RBFOX1: variants seen among roughly 807,000 people sequenced by gnomAD.
RBFOX1 encodes the protein RNA binding fox-1 homolog 1.
A neutral mutation model predicts 57.7 loss-of-function variants in RBFOX1; 8 were observed. The ratio of observed to expected loss-of-function variants is 0.14; its 90% confidence interval spans 0.08 to 0.25. The LOEUF (loss-of-function observed/expected upper bound fraction) is 0.25. RBFOX1 is among the 10% of genes least tolerant of loss of function. The probability of loss-of-function intolerance (pLI) is 1.00; values close to 1 mark genes in which losing one functional copy is unlikely to be tolerated. For synonymous variants in RBFOX1, 326 were observed against 222.4 expected (o/e 1.47, Z -4.15); for missense variants, 611 against 548.5 (o/e 1.11, Z -1.14).
rs376680945 is a variant in RBFOX1 at position 5,546,111 on chromosome 16, C to G, written c.259-52791C>G. ...TAATAAGGAATACATAGGGATAAGT[C>G]TGACTAAATTTGTATGATTCATATA... On this transcript the variant is annotated intron_variant, in intron 2 of 2. Transcript: ENST00000585867. Among the ~76,000 whole-genome samples the G allele has an allele frequency of 9.2e-5, 14 of 152,128 alleles. No homozygotes were observed. In the East Asian group the frequency reaches 2.5e-3, roughly 27 times the overall value.
At chr16:7,653,699 C>G (rs2065616313) in intron 11 of RBFOX1, 116 bp from the exon 12 acceptor site, 3 of 1,429,152 alleles carry the variant, frequency 2.1e-6, no homozygotes, top group African/African-American at 1.4e-5. Flanking sequence ...GGGAAGCGGG[C>G]GGGGGTCCTG....
At chr16:5,391,966 T>A (rs1371192268) in intron 1 of RBFOX1, among the ~76,000 whole-genome samples, 1 of 151,830 alleles carries the variant, frequency 6.6e-6, no homozygotes, top group Non-Finnish European at 1.5e-5. Flanking sequence ...AAAGGAATGA[T>A]TTAATGGCAT....
intron 4 of RBFOX1, among the ~76,000 whole-genome samples, chr16:7,273,281 A>G (rs2095374508): frequency 8.5e-6 from 1 of 117,062 alleles, no homozygotes; most frequent in South Asian, 2.6e-4. Flanking sequence ...TCTTTTTCTC[A>G]TCTATGAGCC....
intron 3 of RBFOX1, among the ~76,000 whole-genome samples, chr16:5,614,294 C>G (rs1359394242): frequency 1.3e-5 from 2 of 152,114 alleles, no homozygotes; most frequent in Admixed American, 6.5e-5. Flanking sequence ...TCATTTCCCC[C>G]TAGGTCTCTC....
At chr16:6,849,411 G>T (rs2093945931) in intron 3 of RBFOX1, among the ~76,000 whole-genome samples, 1 of 152,190 alleles carries the variant, frequency 6.6e-6, no homozygotes, top group Non-Finnish European at 1.5e-5. Flanking sequence ...GCTCACACCT[G>T]TAATACTAAC....
At chr16:6,967,101 A>G (rs961300144) in intron 3 of RBFOX1, among the ~76,000 whole-genome samples, 5 of 152,018 alleles carry the variant, frequency 3.3e-5, no homozygotes, top group East Asian at 1.9e-4. Context: ...CTATTTGTCT[A>G]TACACTCATT....
chr16:6,238,344 T>C (rs1243106196), intron 1 of RBFOX1, among the ~76,000 whole-genome samples: 1 of 152,152 alleles, frequency 6.6e-6, no homozygotes, highest in Non-Finnish European at 1.5e-5. Flanking sequence ...GGAACCTCTA[T>C]CACATTACAG....
chr16:6,330,221 A>T (rs1195631105), intron 2 of RBFOX1, among the ~76,000 whole-genome samples: 1 of 152,164 alleles, frequency 6.6e-6, no homozygotes, highest in South Asian at 2.1e-4. Flanking sequence ...AAAGTTCAAA[A>T]ATACCTTATT....
chr16:5,756,460 T>C (rs2053400842), intron 3 of RBFOX1, among the ~76,000 whole-genome samples: 1 of 152,128 alleles, frequency 6.6e-6, no homozygotes, highest in Non-Finnish European at 1.5e-5. Context: ...GTGGAGTTTG[T>C]CACATCTCCC....
intron 3 of RBFOX1, among the ~76,000 whole-genome samples, chr16:6,937,547 C>G (rs1247484706): frequency 2.0e-5 from 3 of 152,132 alleles, no homozygotes; most frequent in African/African-American, 7.2e-5. Flanking sequence ...CCATAGTGGT[C>G]AAGGCACAGC....
intron 4 of RBFOX1, among the ~76,000 whole-genome samples, chr16:7,343,068 T>A (rs1032091485): frequency 6.6e-6 from 1 of 152,110 alleles, no homozygotes; most frequent in Non-Finnish European, 1.5e-5. Flanking sequence ...TCCCCTCCGT[T>A]CCATGTGGCC....
rs79729951 is a variant in RBFOX1, at chr16:6,514,214, C to T, written c.-63-140389C>T. Among the ~76,000 whole-genome samples, 748 of 152,276 alleles carry T rather than the reference C, an allele frequency of 4.9e-3. 21 individuals are homozygous for T. The East Asian group carries it at 0.094, about 19-fold the overall frequency. On this transcript the variant is annotated intron_variant, in intron 2 of 15. Transcript: ENST00000550418. ...ATCTCCCATCCTTTGGGGATGCTCT[C>T]TGCTTAAAAGGATGTTTAGAATGCC... is the stretch of plus-strand genomic sequence containing the variant.
At chr16:5,773,838 C>T (rs1399667723) in intron 3 of RBFOX1, among the ~76,000 whole-genome samples, 3 of 152,112 alleles carry the variant, frequency 2.0e-5, no homozygotes, top group Non-Finnish European at 2.9e-5. Context: ...GCTGGGACTA[C>T]AGGTGAGCAC....
chr16:6,161,656 C>A (rs2096880324), intron 1 of RBFOX1, among the ~76,000 whole-genome samples: 1 of 152,202 alleles, frequency 6.6e-6, no homozygotes, highest in Non-Finnish European at 1.5e-5. Context: ...GGTGGTAGAG[C>A]CCCTTTGAAA....
intron 4 of RBFOX1, among the ~76,000 whole-genome samples, chr16:7,253,523 C>T (rs1410749750): frequency 6.6e-6 from 1 of 152,148 alleles, no homozygotes; most frequent in Non-Finnish European, 1.5e-5. Context: ...CCTTTCTAAC[C>T]ATCTGCAAAA....
At chr16:6,780,572 T>A (rs962732467) in intron 3 of RBFOX1, among the ~76,000 whole-genome samples, 3 of 126,054 alleles carry the variant, frequency 2.4e-5, no homozygotes, top group East Asian at 2.6e-4. Flanking sequence ...TTATATATAT[T>A]TATATATATA....
At chr16:6,501,131 CTTTTTTT>C (rs1003003339) in intron 2 of RBFOX1, among the ~76,000 whole-genome samples, 6 of 107,914 alleles carry the variant, frequency 5.6e-5, no homozygotes, top group African/African-American at 7.1e-5. Flanking sequence ...GTTAAACATT[CTTTTTTT>C]TTTTTTTTTT....
intron 1 of RBFOX1, among the ~76,000 whole-genome samples, chr16:5,403,751 T>C (rs1390980290): frequency 6.6e-6 from 1 of 152,176 alleles, no homozygotes; most frequent in Non-Finnish European, 1.5e-5. Context: ...CAGCCAATGC[T>C]CTGATGTCTT....
At chr16:5,751,489 C>T (rs1350306322) in intron 3 of RBFOX1, among the ~76,000 whole-genome samples, 1 of 152,170 alleles carries the variant, frequency 6.6e-6, no homozygotes, top group African/African-American at 2.4e-5. Flanking sequence ...GATAGATTTG[C>T]ACATAATTGT....
Sources: gnomAD v4.1 joint callset for allele counts (sites outside exome capture counted in the v4.1 genomes callset) on GRCh38, gnomAD v4.1.1 for gene constraint, MANE v1.5 for transcripts, NCBI Gene and HGNC (gene_info 2026-07-23, HGNC 2026-07-21) for gene names.